Variants in CADM2 observed in about 807,000 individuals in gnomAD.
CADM2 encodes the protein immunoglobulin superfamily member 4D.
CADM2 carries 12 observed loss-of-function variants against 49.8 expected under a neutral mutation model. That is an observed-to-expected ratio of 0.24 (90% CI 0.15 to 0.39). CADM2 has a LOEUF of 0.39. Ranked by LOEUF, CADM2 falls within the 10% of genes least tolerant of loss-of-function variation. The pLI is 1.00. For synonymous variants in CADM2, 214 were observed against 175.4 expected (o/e 1.22, Z -1.74); for missense variants, 378 against 492.3 (o/e 0.77, Z 2.20).
chr3:86,061,211 T>G (rs1738605896), intron 8 of CADM2, among the ~76,000 whole-genome samples: 1 of 152,022 alleles, frequency 6.6e-6, no homozygotes, highest in African/African-American at 2.4e-5. Flanking sequence ...CAAAATGTAT[T>G]TATAAGTTTA....
chr3:85,095,272 G>A, intron 1 of CADM2, among the ~76,000 whole-genome samples: 1 of 152,012 alleles, frequency 6.6e-6, no homozygotes, highest in South Asian at 2.1e-4. Context: ...GCAATTAATG[G>A]GACTCTAGGA....
chr3:85,830,816 T>TATTC (rs2108228283), intron 3 of CADM2, among the ~76,000 whole-genome samples: 2 of 147,960 alleles, frequency 1.4e-5, no homozygotes, highest in South Asian at 4.3e-4. Context: ...TTTATTTATT[T>TATTC]ATTTATTTAT....
chr3:85,010,569 A>G (rs1278364622), intron 1 of CADM2, among the ~76,000 whole-genome samples: 2 of 152,096 alleles, frequency 1.3e-5, no homozygotes, highest in Non-Finnish European at 2.9e-5. Context: ...AATTCTTCCA[A>G]TCCCTGGCAT....
Position 85,977,095 on chromosome 3 carries a change from G to A in CADM2, c.970+15448G>A, listed in dbSNP as rs1448639071. Among the ~76,000 whole-genome samples the A allele has an allele frequency of 4.6e-5, 7 of 150,684 alleles. No individual in the cohort carries two copies. The East Asian group carries it at 9.8e-4, about 21-fold the overall frequency. ...TATTGGTTGACGTGGTATAAGCGGG[G>A]CAAGGTTGGGGGGACTCCAAATACT... On this transcript the variant is annotated intron_variant, in intron 8 of 9. Transcript: ENST00000383699.
chr3:85,987,762 TATC>T (rs1728296000), intron 8 of CADM2, among the ~76,000 whole-genome samples: 1 of 149,706 alleles, frequency 6.7e-6, no homozygotes, highest in Non-Finnish European at 1.5e-5. Flanking sequence ...TCCTATGAAA[TATC>T]GAGGCTAAAG....
chr3:85,179,860 A>G (rs1331301865), intron 1 of CADM2, among the ~76,000 whole-genome samples: 1 of 152,152 alleles, frequency 6.6e-6, no homozygotes, highest in Non-Finnish European at 1.5e-5. Context: ...GGATGTTAAT[A>G]TGACCAATTG....
At chr3:84,962,734 CTT>C (rs1217505022) in intron 1 of CADM2, among the ~76,000 whole-genome samples, 1 of 152,104 alleles carries the variant, frequency 6.6e-6, no homozygotes, top group African/African-American at 2.4e-5. Context: ...GTGATATTCA[CTT>C]AAGTAATACT....
chr3:86,015,247 T>C, intron 8 of CADM2: 1 of 223,504 alleles, frequency 4.5e-6, no homozygotes, highest in Non-Finnish European at 8.7e-6. Flanking sequence ...TAGCCATTGA[T>C]AATGTACCTG....
chr3:85,727,518 C>T (rs2067751670), intron 2 of CADM2, among the ~76,000 whole-genome samples: 1 of 152,130 alleles, frequency 6.6e-6, no homozygotes, highest in Non-Finnish European at 1.5e-5. Flanking sequence ...TGTGGAAAAT[C>T]AGCCAATCCT....
intron 3 of CADM2, among the ~76,000 whole-genome samples, chr3:85,844,926 G>A (rs987383277): frequency 3.3e-5 from 5 of 151,866 alleles, no homozygotes; most frequent in Non-Finnish European, 7.4e-5. Flanking sequence ...TGGGGTGGGA[G>A]GATACGTTAA....
At chr3:85,452,427 A>G (rs183495678) in intron 1 of CADM2, among the ~76,000 whole-genome samples, 39 of 152,136 alleles carry the variant, frequency 2.6e-4, no homozygotes, top group African/African-American at 8.9e-4. Flanking sequence ...GAAACACTTT[A>G]TAATATCCTC....
At chr3:85,799,178 G>A (rs2071828919) in intron 2 of CADM2, among the ~76,000 whole-genome samples, 1 of 152,160 alleles carries the variant, frequency 6.6e-6, no homozygotes, top group Admixed American at 6.5e-5. Flanking sequence ...GGGCTTAGAC[G>A]ATGGGGTGTT....
intron 3 of CADM2, among the ~76,000 whole-genome samples, chr3:85,869,580 C>G (rs961747175): frequency 1.3e-5 from 2 of 152,034 alleles, no homozygotes; most frequent in African/African-American, 4.8e-5. Context: ...TCTAACAGAG[C>G]TCTGTACAAC....
intron 1 of CADM2, among the ~76,000 whole-genome samples, chr3:85,183,955 T>C (rs376680577): frequency 6.6e-6 from 1 of 152,038 alleles, no homozygotes; most frequent in African/African-American, 2.4e-5. Context: ...AGAGATAAGT[T>C]AAAATATTGA....
At chr3:85,337,784 A>G (rs940360468) in intron 1 of CADM2, among the ~76,000 whole-genome samples, 1 of 151,556 alleles carries the variant, frequency 6.6e-6, no homozygotes, top group African/African-American at 2.4e-5. Context: ...GTATTTGTTT[A>G]CTATAAAATT....
chr3:85,846,000 G>A (rs2074862667), intron 3 of CADM2, among the ~76,000 whole-genome samples: 1 of 152,004 alleles, frequency 6.6e-6, no homozygotes, highest in Admixed American at 6.6e-5. Flanking sequence ...GGGTCTGCCT[G>A]GGATATTCCA....
At chr3:85,958,166 C>T (rs1332303640) in intron 7 of CADM2, among the ~76,000 whole-genome samples, 1 of 151,884 alleles carries the variant, frequency 6.6e-6, no homozygotes, top group Non-Finnish European at 1.5e-5. Flanking sequence ...CAAAAGGAGA[C>T]ATTTATGCAG....
At chr3:85,371,097 A>T (rs969452377) in intron 1 of CADM2, among the ~76,000 whole-genome samples, 17 of 152,328 alleles carry the variant, frequency 1.1e-4, no homozygotes, top group African/African-American at 4.1e-4. Context: ...TAAAAAGTTT[A>T]TAAAGTAAAA....
chr3:85,727,106 T>G (rs898975576), intron 2 of CADM2, among the ~76,000 whole-genome samples: 2 of 152,102 alleles, frequency 1.3e-5, no homozygotes, highest in South Asian at 4.1e-4. Flanking sequence ...GAAAAAGTAT[T>G]TTGGCTCCAT....
Sources: allele counts gnomAD v4.1 joint callset (sites outside exome capture counted in the v4.1 genomes callset), GRCh38; gene constraint gnomAD v4.1.1; transcripts MANE v1.5; gene names NCBI Gene and HGNC (gene_info 2026-07-23, HGNC 2026-07-21).